The following SIK3 variants were observed in gnomAD, a reference collection of about 807,000 sequenced individuals.
SIK3 encodes serine/threonine-protein kinase SIK3.
SIK3 carries 28 observed loss-of-function variants against 144.2 expected under a neutral mutation model. That is an observed-to-expected ratio of 0.19 (90% CI 0.14 to 0.27). The LOEUF (loss-of-function observed/expected upper bound fraction) is 0.27. Ranked by LOEUF, SIK3 falls within the 10% of genes least tolerant of loss-of-function variation. SIK3 has a pLI of 1.00. For missense variants in SIK3, 1,319 were observed against 1,776.0 expected, an observed-to-expected ratio of 0.74 and a Z score of 4.62; for synonymous variants, 686 against 676.3, an observed-to-expected ratio of 1.01 and a Z score of -0.22.
intron 1 of SIK3, among the ~76,000 whole-genome samples, chr11:117,066,381 G>A (rs911958495): frequency 3.3e-5 from 5 of 150,292 alleles, no homozygotes; most frequent in African/African-American, 7.3e-5. Flanking sequence ...AAAAACTCTT[G>A]CTCTTCAAAA....
At chr11:117,036,052 G>A in intron 1 of SIK3, 1 of 1,172,038 alleles carries the variant, frequency 8.5e-7, no homozygotes, top group Non-Finnish European at 1.2e-6. Context: ...CAAGAGGCAT[G>A]TTCTCGTGTG....
chr11:116,922,324 G>T (rs1267948213), intron 4 of SIK3, among the ~76,000 whole-genome samples: 4 of 152,168 alleles, frequency 2.6e-5, no homozygotes, highest in African/African-American at 9.6e-5. Context: ...GGAACATAGT[G>T]ACAAAAAATG....
At chr11:116,859,650 G>C in intron 19 of SIK3, 46 bp from the exon 20 acceptor site, 1 of 1,541,420 alleles carries the variant, frequency 6.5e-7, no homozygotes, top group Admixed American at 1.7e-5. Flanking sequence ...CAGGCCACCA[G>C]CCAGCCAGAA....
At chr11:116,855,102 A>AAAAAAAAAAAAAAAAAAAAAAAAC (rs1168132311) in intron 21 of SIK3, among the ~76,000 whole-genome samples, 1 of 144,328 alleles carries the variant, frequency 6.9e-6, no homozygotes, top group East Asian at 2.3e-4. Flanking sequence ...AAAAAAAAAA[A>AAAAAAAAAAAAAAAAAAAAAAAAC]AAAAAAACTT....
At chr11:116,850,743 G>A (rs527705273) in intron 21 of SIK3, among the ~76,000 whole-genome samples, 4 of 152,258 alleles carry the variant, frequency 2.6e-5, no homozygotes, top group South Asian at 2.1e-4. Flanking sequence ...TCTTTAGGCC[G>A]GGTGCGTGTA....
chr11:117,084,621 A>G (rs1954929156), intron 1 of SIK3, among the ~76,000 whole-genome samples: 1 of 152,036 alleles, frequency 6.6e-6, no homozygotes, highest in South Asian at 2.1e-4. Context: ...TTTTTCCCAA[A>G]CCTATTTATA....
chr11:116,943,263 A>C (rs12292858), intron 3 of SIK3, among the ~76,000 whole-genome samples: 22,171 of 152,086 alleles, frequency 0.15, 2,255 homozygotes, highest in African/African-American at 0.28. Flanking sequence ...TATTTGGCAA[A>C]ATCAGAGCAG....
chr11:117,071,413 A>C (rs1954275253), intron 1 of SIK3, among the ~76,000 whole-genome samples: 1 of 151,946 alleles, frequency 6.6e-6, no homozygotes, highest in South Asian at 2.1e-4. Flanking sequence ...CCTTGAAGGC[A>C]GGGCAGACTA....
At position 116,858,472 on chromosome 11, in the gene SIK3, G is replaced by A; in HGVS notation, c.2993C>T (p.Ala998Val). The change falls in exon 21 of 25, where the codon GCC becomes GTC. Residue 998 changes from alanine to valine, a missense_variant. Transcript: ENST00000445177. This position sits in a 1 kb window ranked among gnomAD's most constrained non-coding sequence, Gnocchi z 5.4. ...PHYTTSALQQ[A>V]LLSPTPPDYT... The stretch of plus-strand genomic sequence containing the variant: ...GTCTGGCGGCGTGGGAGACAGCAGG[G>A]CCTGCTGTAGTGCCGACGTGGTATA... 2 of 1,605,732 alleles carry A rather than the reference G, an allele frequency of 1.2e-6. No individual in the cohort carries two copies. Among genetic ancestry groups the A allele is most frequent in the Non-Finnish European group, 1.7e-6 (2 of 1,174,692 alleles).
At chr11:117,030,259 A>G (rs1454118777) in intron 1 of SIK3, among the ~76,000 whole-genome samples, 1 of 152,236 alleles carries the variant, frequency 6.6e-6, no homozygotes, top group African/African-American at 2.4e-5. Flanking sequence ...ACCTCTAAGA[A>G]TGTATTGTAA....
At chr11:117,009,114 A>G (rs940849619) in intron 1 of SIK3, among the ~76,000 whole-genome samples, 1 of 151,922 alleles carries the variant, frequency 6.6e-6, no homozygotes, top group Non-Finnish European at 1.5e-5. Flanking sequence ...GTGCGCCTGT[A>G]ATCCCAGCTA....
At chr11:116,877,102 A>G in intron 6 of SIK3, 60 bp from the exon 7 acceptor site, 27 of 1,490,216 alleles carry the variant, frequency 1.8e-5, no homozygotes, top group Non-Finnish European at 2.4e-5. Context: ...AGGGGAGTAG[A>G]GGAACCAGGG....
chr11:116,858,836 T>A lies in SIK3; in HGVS notation c.2766-137A>T. ...GACAGAGAAGTGGCAGATGTATGCATTGTCCCTATTTATTCCATTACTGGC... is the reference window on the plus strand; with the variant it reads ...GACAGAGAAGTGGCAGATGTATGCAATGTCCCTATTTATTCCATTACTGGC... On this transcript the variant is annotated intron_variant, in intron 20 of 24. Coordinates refer to ENST00000445177, the MANE Select transcript of SIK3 (RefSeq NM_001366686.3). This position sits in a 1 kb window ranked among gnomAD's most constrained non-coding sequence, Gnocchi z 5.4. 7.7e-7 allele frequency: 1 copy of A among 1,297,962 alleles called. No homozygotes were observed. Among genetic ancestry groups the A allele is most frequent in the Non-Finnish European group, 1.0e-6 (1 of 971,586 alleles). 80.4% of individuals were successfully genotyped at this position (1,297,962 alleles called of 1,614,324 possible). A position where few individuals can be genotyped will look rare whatever the true frequency, so the allele number is the denominator to read the frequency against.
chr11:117,038,083 C>A (rs1952589202), intron 1 of SIK3, among the ~76,000 whole-genome samples: 1 of 152,104 alleles, frequency 6.6e-6, no homozygotes, highest in South Asian at 2.1e-4. Context: ...GAATCATTTG[C>A]ACTAGATAAG....
At chr11:117,024,490 A>AT (rs1174293424) in intron 1 of SIK3, among the ~76,000 whole-genome samples, 2 of 152,196 alleles carry the variant, frequency 1.3e-5, no homozygotes, top group Non-Finnish European at 2.9e-5. Context: ...ATAATGCCCC[A>AT]TAACTCTAAA....
chr11:116,991,681 A>G (rs1284937786), intron 1 of SIK3, among the ~76,000 whole-genome samples: 1 of 152,218 alleles, frequency 6.6e-6, no homozygotes, highest in Non-Finnish European at 1.5e-5. Flanking sequence ...AAGTGAAACT[A>G]TTTCACAATC....
At chr11:117,044,501 A>G (rs2155583) in intron 1 of SIK3, among the ~76,000 whole-genome samples, 128,980 of 151,970 alleles carry the variant, frequency 0.85, 55,361 homozygotes, top group Non-Finnish European at 0.89. Flanking sequence ...GAGATTTAAT[A>G]ATACAAAAAC....
chr11:117,089,779 C>A (rs1295805223), intron 1 of SIK3, among the ~76,000 whole-genome samples: 1 of 152,204 alleles, frequency 6.6e-6, no homozygotes, highest in East Asian at 1.9e-4. Flanking sequence ...AAGTATCCAA[C>A]TGAGTGAGCT....
chr11:116,967,019 A>AAAAAAAAAAAAAT lies in SIK3; in HGVS notation c.274-9956_274-9955insATTTTTTTTTTTT. On this transcript the variant is annotated intron_variant, in intron 1 of 24. Transcript: ENST00000445177. ...ACTCTGTTTCAAAAAAAAAAAGAAA[A>AAAAAAAAAAAAAT]AGAAAAAGAAAAAGAAAAGAAAAAA... Among the ~76,000 whole-genome samples the AAAAAAAAAAAAAT allele has an allele frequency of 2.0e-5, 3 of 150,696 alleles. No individual in the cohort carries two copies. In the East Asian group the frequency reaches 5.8e-4, roughly 29 times the overall value.
Sources: gnomAD v4.1 joint callset for allele counts (sites outside exome capture counted in the v4.1 genomes callset) on GRCh38, gnomAD v4.1.1 for gene constraint, Gnocchi (gnomAD v3.1) non-coding constraint, MANE v1.5 for transcripts, NCBI Gene and HGNC (gene_info 2026-07-23, HGNC 2026-07-21) for gene names.